Variants in ASAP3 observed in about 807,000 individuals in gnomAD.
ASAP3 encodes ArfGAP with SH3 domain, ankyrin repeat and PH domain 3.
In ASAP3, 85 loss-of-function variants were observed where a neutral mutation model predicts 118.2. That is an observed-to-expected ratio of 0.72 (90% CI 0.60 to 0.86). The LOEUF is 0.86. Ranked by LOEUF, ASAP3 falls within the 40% of genes least tolerant of loss-of-function variation. The pLI is 0.00. For synonymous variants in ASAP3, 432 were observed against 477.4 expected (o/e 0.90, Z 1.24); for missense variants, 1,026 against 1,175.0 (o/e 0.87, Z 1.85).
intron 1 of ASAP3, among the ~76,000 whole-genome samples, chr1:23,464,503 T>A (rs1373937549): frequency 2.0e-5 from 3 of 151,088 alleles, no homozygotes; most frequent in African/African-American, 4.9e-5. Flanking sequence ...AAAAATTTTT[T>A]AAAAAAGTTA....
chr1:23,483,556 G>C (rs1642379904), intron 1 of ASAP3, among the ~76,000 whole-genome samples: 1 of 151,958 alleles, frequency 6.6e-6, no homozygotes, highest in Admixed American at 6.6e-5. Context: ...CCAAATCTCC[G>C]AACCAGCCGC....
intron 1 of ASAP3, among the ~76,000 whole-genome samples, chr1:23,478,577 G>A (rs543093593): frequency 2.3e-4 from 35 of 151,932 alleles, no homozygotes; most frequent in Middle Eastern, 3.4e-3. Context: ...TGGCTAACAC[G>A]GTGAAACCCT....
rs146395542 is a variant in ASAP3 at position 23,434,534 on chromosome 1, C to A, written c.1834G>T (p.Gly612Cys). 6.2e-7 allele frequency: 1 copy of A among 1,613,988 alleles called. No homozygotes were observed. The highest frequency in any genetic ancestry group is 1.7e-5 in the Admixed American group (1 of 60,006). Residue 612 changes from glycine to cysteine, a missense_variant and splice_region_variant, in exon 18 of 25, where the codon GGT (glycine) becomes TGT (cysteine). Coordinates refer to ENST00000336689, the MANE Select transcript of ASAP3 (RefSeq NM_017707.4). The stretch of plus-strand genomic sequence containing the variant: ...ACAGACAGGCAGGGAGGCTCTCACC[C>A]GTTCTGGATGATGAAATCCACCAGA... ...LPLVDFIIQN[G>C]GHLDAKAADG...
chr1:23,461,051 G>C (rs1270451037), intron 1 of ASAP3, among the ~76,000 whole-genome samples: 2 of 152,210 alleles, frequency 1.3e-5, no homozygotes, highest in African/African-American at 4.8e-5. Flanking sequence ...GGCCAGGGAT[G>C]GGGGTAGTGA....
upstream of ASAP3, chr1:23,484,280 C>T (rs1233050711): frequency 3.8e-6 from 3 of 780,024 alleles, no homozygotes; most frequent in South Asian, 6.5e-5. Context: ...ACCCTCCAGC[C>T]GCTCTCCGCT....
intron 10 of ASAP3, among the ~76,000 whole-genome samples, chr1:23,440,797 A>G (rs982742778): frequency 6.0e-5 from 9 of 150,406 alleles, no homozygotes; most frequent in African/African-American, 1.7e-4. Flanking sequence ...CGGAGCTTAC[A>G]GTGAGCCGAG....
rs1337748683 is a variant in ASAP3 at position 23,442,183 on chromosome 1, T to C, written c.671+3A>G. On this transcript the variant is annotated splice_donor_region_variant and intron_variant, in intron 7 of 24. Coordinates refer to ENST00000336689, the MANE Select transcript of ASAP3 (RefSeq NM_017707.4). ...AGTGGCAGGGACGCGGGAAGATACC[T>C]ACTTGTGCTGGGCGTGGAAGAACTT... The C allele has an allele frequency of 6.3e-7, 1 of 1,595,650 alleles. No homozygotes were observed. The highest frequency in any genetic ancestry group is 1.8e-5 in the Admixed American group (1 of 56,168).
intron 1 of ASAP3, among the ~76,000 whole-genome samples, chr1:23,476,464 T>A (rs1010982155): frequency 6.6e-6 from 1 of 151,902 alleles, no homozygotes; most frequent in South Asian, 2.1e-4. Context: ...TCTGTGCACT[T>A]CTCTCCTCCT....
intron 5 of ASAP3, among the ~76,000 whole-genome samples, chr1:23,448,307 G>A (rs1641109277): frequency 6.6e-6 from 1 of 152,196 alleles, no homozygotes; most frequent in African/African-American, 2.4e-5. Flanking sequence ...TTAGGTGGCA[G>A]GGATTCCTCA....
At chr1:23,446,165 T>C (rs1314101120) in intron 5 of ASAP3, among the ~76,000 whole-genome samples, 1 of 152,130 alleles carries the variant, frequency 6.6e-6, no homozygotes, top group African/African-American at 2.4e-5. Context: ...GACATGGAAA[T>C]ATATCTGCTC....
At position 23,441,440 on chromosome 1, in the gene ASAP3, G is replaced by C; in HGVS notation, c.781C>G (p.Leu261Val). 1 of 1,614,170 alleles carries C rather than the reference G, an allele frequency of 6.2e-7. No individual in the cohort carries two copies. The highest frequency in any genetic ancestry group is 8.5e-7 in the Non-Finnish European group (1 of 1,180,036). ...HQAQEDELQK[L>V]TQLRDSLRGT... The stretch of plus-strand genomic sequence containing the variant: ...CGGAGGGAGTCCCGGAGCTGGGTCA[G>C]CTTCTGTAGCTCGTCCTCCTGGGCC... The change falls in exon 9 of 25, where the codon CTG becomes GTG. Residue 261 changes from leucine to valine, a missense_variant. Coordinates refer to ENST00000336689, the MANE Select transcript of ASAP3 (RefSeq NM_017707.4).
intron 1 of ASAP3, among the ~76,000 whole-genome samples, chr1:23,460,657 A>G (rs1234055758): frequency 6.6e-6 from 1 of 152,212 alleles, no homozygotes. Flanking sequence ...ACTTCGGAAG[A>G]CAGTTTGACA....
intron 4 of ASAP3, among the ~76,000 whole-genome samples, chr1:23,451,816 G>C (rs530977159): frequency 1.3e-5 from 2 of 152,326 alleles, no homozygotes; most frequent in Admixed American, 1.3e-4. Context: ...GGTGTGAAGA[G>C]ATCTTTGGGC....
Position 23,436,649 on chromosome 1 carries a change from G to C in ASAP3, c.1482C>G (p.Ala494=). 6.2e-7 allele frequency: 1 copy of C among 1,614,226 alleles called. No individual in the cohort carries two copies. ...DLLGPSELLL[A]LNMGNTSFNE... ...TGAAGCTCGTGTTTCCCATGTTCAA[G>C]GCCAGCTGGAGTCGTAGGAAAATAG... The change falls in exon 16 of 25, where the codon GCC becomes GCG. Residue 494 remains alanine, a synonymous_variant. Coordinates refer to ENST00000336689, the MANE Select transcript of ASAP3 (RefSeq NM_017707.4). The surrounding 1 kb of genome is among the most constrained non-coding windows in gnomAD (Gnocchi z 4.2).
intron 1 of ASAP3, among the ~76,000 whole-genome samples, chr1:23,456,897 C>T (rs1641407973): frequency 6.6e-6 from 1 of 152,072 alleles, no homozygotes; most frequent in South Asian, 2.1e-4. Context: ...AGAGACAACA[C>T]CAGATAACCC....
intron 5 of ASAP3, among the ~76,000 whole-genome samples, chr1:23,448,247 A>T (rs571038050): frequency 3.3e-5 from 5 of 152,194 alleles, no homozygotes; most frequent in Non-Finnish European, 5.9e-5. Context: ...TGCAGGCAGG[A>T]AAGTATTTAA....
upstream of ASAP3, chr1:23,484,387 G>C (rs1642443364): frequency 7.0e-6 from 2 of 285,062 alleles, no homozygotes; most frequent in Non-Finnish European, 1.2e-5. Flanking sequence ...GCGTCAGGCC[G>C]CTTCCCCGGC....
chr1:23,441,197 C>G lies in ASAP3; in HGVS notation c.849G>C (p.Arg283=). The G allele has an allele frequency of 6.2e-7, 1 of 1,614,178 alleles. No individual in the cohort carries two copies. Among genetic ancestry groups the G allele is most frequent in the Non-Finnish European group, 8.5e-7 (1 of 1,180,036 alleles). ...TGCTATAGCCACATCCTGAGTTCTT[C>G]CGGCTCAGGTGTTCCTGTCCCTCGG... ...QLESREEHLS[R]KNSGCGYSIH... is the part of the protein sequence containing the mutation. The change falls in exon 10 of 25, where the codon CGG becomes CGC. Residue 283 remains arginine (R), a synonymous_variant. Transcript: ENST00000336689.
At chr1:23,439,534 G>T (rs968849911) in intron 10 of ASAP3, among the ~76,000 whole-genome samples, 3 of 152,100 alleles carry the variant, frequency 2.0e-5, no homozygotes, top group Non-Finnish European at 4.4e-5. Context: ...CAGTCTGATG[G>T]GGGAGACATA....
Sources: allele counts gnomAD v4.1 joint callset (sites outside exome capture counted in the v4.1 genomes callset), GRCh38; gene constraint gnomAD v4.1.1; non-coding constraint Gnocchi (gnomAD v3.1); transcripts MANE v1.5; gene names NCBI Gene and HGNC (gene_info 2026-07-23, HGNC 2026-07-21).